The following LRRC56 variants were observed in gnomAD, a reference collection of about 807,000 sequenced individuals.
LRRC56 encodes the protein leucine-rich repeat-containing protein 56.
A neutral mutation model predicts 47.8 loss-of-function variants in LRRC56; 41 were observed. That is an observed-to-expected ratio of 0.86 (90% CI 0.67 to 1.11). LRRC56 has a LOEUF of 1.11. Ranked by LOEUF, LRRC56 falls within the 50% of genes most tolerant of loss-of-function variation. The pLI is 0.00. For missense variants in LRRC56, 759 were observed against 704.2 expected, an observed-to-expected ratio of 1.08 and a Z score of -0.88; for synonymous variants, 387 against 311.2, an observed-to-expected ratio of 1.24 and a Z score of -2.56.
the LRRC56 span, among the ~76,000 whole-genome samples, chr11:524,755 C>G: frequency 6.6e-6 from 1 of 152,154 alleles, no homozygotes; most frequent in Non-Finnish European, 1.5e-5. Flanking sequence ...AACGTCATAA[C>G]TTAGACCTAT....
the LRRC56 span, among the ~76,000 whole-genome samples, chr11:511,886 A>G: frequency 6.6e-5 from 10 of 152,312 alleles, no homozygotes; most frequent in East Asian, 1.7e-3. Context: ...CTGGAGGGAC[A>G]GCTGTGCAGC....
At chr11:522,963 G>C in the LRRC56 span, among the ~76,000 whole-genome samples, 1 of 152,068 alleles carries the variant, frequency 6.6e-6, no homozygotes, top group Non-Finnish European at 1.5e-5. Flanking sequence ...TGGCCAAGCT[G>C]GTCTCTGTAT....
At chr11:531,817 C>A in the LRRC56 span, among the ~76,000 whole-genome samples, 1 of 152,230 alleles carries the variant, frequency 6.6e-6, no homozygotes, top group African/African-American at 2.4e-5. Context: ...TGTGAAGGCC[C>A]AGGAGGCGGG....
At chr11:546,140 C>G (rs928660749) in intron 6 of LRRC56, among the ~76,000 whole-genome samples, 3 of 152,112 alleles carry the variant, frequency 2.0e-5, no homozygotes, top group Admixed American at 1.3e-4. Flanking sequence ...CATGGTGGCA[C>G]ATGCCTGTAA....
chr11:516,883 T>C, the LRRC56 span, among the ~76,000 whole-genome samples: 1 of 152,236 alleles, frequency 6.6e-6, no homozygotes, highest in Non-Finnish European at 1.5e-5. Flanking sequence ...TCGGTCTCCC[T>C]CTGTTGCCGA....
the LRRC56 span, among the ~76,000 whole-genome samples, chr11:514,943 G>A: frequency 0.012 from 1,805 of 152,324 alleles, 48 homozygotes; most frequent in African/African-American, 0.042. Flanking sequence ...CAGAGGCGGT[G>A]GAGCCCTTGG....
intron 5 of LRRC56, among the ~76,000 whole-genome samples, chr11:544,276 T>G (rs1589808193): frequency 6.6e-6 from 1 of 152,118 alleles, no homozygotes; most frequent in South Asian, 2.1e-4. Context: ...GGGCCCAGAC[T>G]TTGAGCCAAG....
At chr11:511,887 G>A in the LRRC56 span, among the ~76,000 whole-genome samples, 1 of 152,202 alleles carries the variant, frequency 6.6e-6, no homozygotes, top group Admixed American at 6.5e-5. Flanking sequence ...TGGAGGGACA[G>A]CTGTGCAGCG....
At chr11:551,103 C>G in intron 8 of LRRC56, 28 bp from the exon 9 acceptor site, 1 of 1,307,386 alleles carries the variant, frequency 7.6e-7, no homozygotes, top group East Asian at 2.8e-5. Flanking sequence ...CAGACCTGCC[C>G]TCCCTCCCCC....
intron 2 of LRRC56, among the ~76,000 whole-genome samples, 164 bp from the exon 3 acceptor site, chr11:539,416 G>C (rs1220310936): frequency 9.3e-6 from 1 of 107,438 alleles, no homozygotes; most frequent in African/African-American, 3.8e-5. Context: ...ACAGAGTCTT[G>C]CTCTGTTGCC....
chr11:553,444 T>A (rs1852541917), intron 13 of LRRC56, among the ~76,000 whole-genome samples: 1 of 151,516 alleles, frequency 6.6e-6, no homozygotes, highest in East Asian at 2.0e-4. Context: ...GACAGAGGGG[T>A]CAACAGCTGG....
chr11:534,399 C>T, upstream of LRRC56: 1 of 1,141,952 alleles, frequency 8.8e-7, no homozygotes, highest in Non-Finnish European at 1.3e-6. Context: ...CCCTGCTCAG[C>T]CAGGCCCAGG....
the LRRC56 span, among the ~76,000 whole-genome samples, chr11:510,340 GC>G: frequency 6.6e-6 from 1 of 151,908 alleles, no homozygotes; most frequent in African/African-American, 2.4e-5. Context: ...GGTGGCTCAC[GC>G]CTGTAATCCC....
In LRRC56 at chr11:537,580, G is replaced by A. The variant is rs550477734; in HGVS notation, c.-447G>A. On this transcript the variant is annotated 5_prime_UTR_variant, in exon 1 of 14. Transcript: ENST00000270115. ...GGGCGCCCAGGGCCGAGCTGCCAGG[G>A]CCGGACACCTAGGCTGAGCCCTCAG... 5.0e-4 allele frequency: 77 copies of A among 152,480 alleles called. No individual in the cohort carries two copies. The highest frequency in any genetic ancestry group is 2.6e-4 in the Non-Finnish European group (18 of 68,124). 9.4% of individuals were successfully genotyped at this position (152,480 alleles called of 1,614,324 possible).
upstream of LRRC56, among the ~76,000 whole-genome samples, chr11:532,923 A>C (rs35601764): frequency 0.096 from 14,563 of 152,244 alleles, 962 homozygotes; most frequent in Admixed American, 0.19. Context: ...GCCATCTCGA[A>C]GTGCCCAGGG....
upstream of LRRC56, chr11:534,015 C>T (rs1851293836): frequency 4.0e-6 from 6 of 1,516,892 alleles, no homozygotes; most frequent in Admixed American, 6.7e-5. Context: ...CCAGCCTCTC[C>T]CTGGTACCTC....
At chr11:539,275 TG>T (rs1288192985) in intron 2 of LRRC56, among the ~76,000 whole-genome samples, 1 of 151,218 alleles carries the variant, frequency 6.6e-6, no homozygotes, top group Non-Finnish European at 1.5e-5. Context: ...TTAGTAGAGA[TG>T]GGGTTTCACC....
At chr11:507,313 C>A in the LRRC56 span, 4 of 149,494 alleles carry the variant, frequency 2.7e-5, no homozygotes, top group African/African-American at 9.9e-5. Flanking sequence ...GGGGGCGGGG[C>A]CTGGCGGGAG....
the LRRC56 span, among the ~76,000 whole-genome samples, chr11:518,953 G>C: frequency 1.3e-5 from 2 of 148,590 alleles, no homozygotes; most frequent in South Asian, 2.4e-4. Context: ...CCCCCAAACC[G>C]AGGGGAACTT....
Sources: gnomAD v4.1 joint callset for allele counts (sites outside exome capture counted in the v4.1 genomes callset) on GRCh38, gnomAD v4.1.1 for gene constraint, MANE v1.5 for transcripts, NCBI Gene and HGNC (gene_info 2026-07-23, HGNC 2026-07-21) for gene names.